The following MEMO1 variants were observed in gnomAD, a reference collection of about 807,000 sequenced individuals.
MEMO1 encodes the protein mediator of cell motility 1, also known as protein MEMO1.
MEMO1 carries 6 observed loss-of-function variants against 45.2 expected under a neutral mutation model. The ratio of observed to expected loss-of-function variants is 0.13; its 90% CI spans 0.07 to 0.26. MEMO1 has a LOEUF of 0.26. Among genes scored for constraint, MEMO1 ranks in the 10% least tolerant of loss-of-function variants. The pLI, the probability that MEMO1 is intolerant of heterozygous loss-of-function variation, is 1.00. For missense variants in MEMO1, 184 were observed against 370.5 expected (o/e 0.50, Z 4.13); for synonymous variants, 78 against 124.3 (o/e 0.63, Z 2.48).
chr2:31,919,774 A>C (rs753260144), intron 5 of MEMO1, among the ~76,000 whole-genome samples: 9 of 152,024 alleles, frequency 5.9e-5, no homozygotes, highest in Non-Finnish European at 1.2e-4. Context: ...AGTGAACTAT[A>C]ATCATGCCAC....
At chr2:31,978,903 C>T (rs768620548) in intron 2 of MEMO1, among the ~76,000 whole-genome samples, 14 of 152,084 alleles carry the variant, frequency 9.2e-5, no homozygotes, top group Non-Finnish European at 1.5e-4. Flanking sequence ...TAAGGCAATA[C>T]TTTGCCTATG....
chr2:31,872,659 A>C (rs1382954545), intron 8 of MEMO1, among the ~76,000 whole-genome samples: 2 of 152,208 alleles, frequency 1.3e-5, no homozygotes, highest in Non-Finnish European at 2.9e-5. Flanking sequence ...TACTGGTTAA[A>C]TTACAAGACA....
At chr2:31,977,115 G>C (rs547963175) in intron 2 of MEMO1, among the ~76,000 whole-genome samples, 3 of 152,244 alleles carry the variant, frequency 2.0e-5, no homozygotes, top group Admixed American at 6.5e-5. Context: ...TAGAGAAGCA[G>C]AAGACGGCAG....
chr2:31,945,295 T>C (rs1162443756), intron 2 of MEMO1, among the ~76,000 whole-genome samples: 1 of 152,212 alleles, frequency 6.6e-6, no homozygotes, highest in African/African-American at 2.4e-5. Context: ...TTACAAATAC[T>C]TTAGTTGTTG....
At chr2:31,916,719 T>C (rs1400884102) in intron 6 of MEMO1, among the ~76,000 whole-genome samples, 1 of 152,232 alleles carries the variant, frequency 6.6e-6, no homozygotes, top group African/African-American at 2.4e-5. Context: ...CCTAAAATTA[T>C]ATTGCTTATA....
At chr2:31,905,459 A>G (rs1157961106) in intron 6 of MEMO1, among the ~76,000 whole-genome samples, 3 of 152,204 alleles carry the variant, frequency 2.0e-5, no homozygotes, top group Non-Finnish European at 2.9e-5. Context: ...AGGCATGATG[A>G]TAAGAAAGTT....
intron 2 of MEMO1, among the ~76,000 whole-genome samples, chr2:31,964,729 AAAAATT>A (rs1280168957): frequency 1.3e-5 from 2 of 151,938 alleles, no homozygotes; most frequent in East Asian, 1.9e-4. Context: ...AATAAATAAT[AAAAATT>A]AAAATTAAAA....
intron 2 of MEMO1, among the ~76,000 whole-genome samples, chr2:31,956,673 C>T (rs1284284416): frequency 6.6e-5 from 10 of 152,134 alleles, no homozygotes; most frequent in South Asian, 2.1e-4. Context: ...ATTAAGCAAC[C>T]GGAAAACAAT....
chr2:31,886,113 C>T (rs888918643), intron 7 of MEMO1, among the ~76,000 whole-genome samples: 1 of 152,164 alleles, frequency 6.6e-6, no homozygotes, highest in Admixed American at 6.5e-5. Flanking sequence ...ATGCCATCTA[C>T]TTTTTGTTAC....
intron 2 of MEMO1, among the ~76,000 whole-genome samples, chr2:31,964,182 C>G (rs1232376201): frequency 6.6e-6 from 1 of 152,002 alleles, no homozygotes; most frequent in Admixed American, 6.6e-5. Context: ...ATCGCAGCCT[C>G]CACGGTATGA....
At chr2:31,990,666 C>T (rs1210298700) in intron 2 of MEMO1, among the ~76,000 whole-genome samples, 1 of 151,596 alleles carries the variant, frequency 6.6e-6, no homozygotes, top group Non-Finnish European at 1.5e-5. Flanking sequence ...ACTCAGCTCC[C>T]AAAGTGCTAG....
chr2:31,904,399 C>T (rs1679360730), intron 6 of MEMO1, among the ~76,000 whole-genome samples: 1 of 152,170 alleles, frequency 6.6e-6, no homozygotes, highest in African/African-American at 2.4e-5. Flanking sequence ...AGGCAGAATG[C>T]CTACATGACC....
intron 8 of MEMO1, among the ~76,000 whole-genome samples, chr2:31,879,456 T>C (rs1388337955): frequency 6.6e-6 from 1 of 152,216 alleles, no homozygotes; most frequent in Non-Finnish European, 1.5e-5. Flanking sequence ...ATTAACATCC[T>C]TTCTTCCCAT....
chr2:31,881,178 C>T (rs945934734), intron 8 of MEMO1, among the ~76,000 whole-genome samples: 11 of 151,988 alleles, frequency 7.2e-5, no homozygotes, highest in Admixed American at 5.9e-4. Flanking sequence ...TTTAGAACAA[C>T]GAATTGAAAT....
intron 4 of MEMO1, among the ~76,000 whole-genome samples, chr2:31,929,361 T>C (rs939902842): frequency 3.3e-5 from 5 of 152,094 alleles, no homozygotes; most frequent in African/African-American, 1.2e-4. Context: ...CTTCCACTGG[T>C]TACATTATGA....
intron 2 of MEMO1, among the ~76,000 whole-genome samples, chr2:31,950,789 T>A (rs1666764336): frequency 6.6e-6 from 1 of 151,984 alleles, no homozygotes; most frequent in Non-Finnish European, 1.5e-5. Flanking sequence ...AAAATACTTA[T>A]TCAGACAAAT....
At chr2:31,950,911 C>T (rs1319999007) in intron 2 of MEMO1, among the ~76,000 whole-genome samples, 2 of 152,186 alleles carry the variant, frequency 1.3e-5, no homozygotes, top group Admixed American at 1.3e-4. Flanking sequence ...TTAGAGTCAT[C>T]AGCAATCCTT....
At chr2:31,870,514 A>T (rs1380353847) in intron 8 of MEMO1, among the ~76,000 whole-genome samples, 1 of 152,218 alleles carries the variant, frequency 6.6e-6, no homozygotes, top group East Asian at 1.9e-4. Context: ...AATGACACGA[A>T]CTAAGAAAAA....
chr2:31,978,991 C>G (rs1670332707), intron 2 of MEMO1, among the ~76,000 whole-genome samples: 1 of 152,090 alleles, frequency 6.6e-6, no homozygotes, highest in Non-Finnish European at 1.5e-5. Flanking sequence ...TGATGTATTT[C>G]ACACTGCTAT....
Sources: gnomAD v4.1 joint callset for allele counts (sites outside exome capture counted in the v4.1 genomes callset) on GRCh38, gnomAD v4.1.1 for gene constraint, MANE v1.5 for transcripts, NCBI Gene and HGNC (gene_info 2026-07-23, HGNC 2026-07-21) for gene names.